Variants in SLC71A2 observed in about 807,000 individuals in gnomAD.
SLC71A2 encodes hippocampus abundant transcript-like 1.
At chr9:94,419,930 A>C in the SLC71A2 span, among the ~76,000 whole-genome samples, 1 of 152,068 alleles carries the variant, frequency 6.6e-6, no homozygotes, top group Non-Finnish European at 1.5e-5. Context: ...GATCAGTCAG[A>C]TTGGTAAGAG....
the SLC71A2 span, among the ~76,000 whole-genome samples, chr9:94,451,018 CT>C: frequency 1.3e-5 from 2 of 152,172 alleles, no homozygotes; most frequent in African/African-American, 4.8e-5. Context: ...CTCTCCTTCC[CT>C]TGCTCTCCTT....
At chr9:94,380,981 AT>A in the SLC71A2 span, among the ~76,000 whole-genome samples, 2 of 120,312 alleles carry the variant, frequency 1.7e-5, no homozygotes, top group Non-Finnish European at 3.5e-5. Flanking sequence ...CTACACCTCC[AT>A]TTCCAGGCGA....
At chr9:94,407,381 CTT>C in the SLC71A2 span, among the ~76,000 whole-genome samples, 19 of 139,844 alleles carry the variant, frequency 1.4e-4, no homozygotes, top group Admixed American at 4.3e-4. Context: ...CTGTAGTTTT[CTT>C]TTTTTTTTTT....
At chr9:94,452,588 C>T in the SLC71A2 span, among the ~76,000 whole-genome samples, 1 of 149,724 alleles carries the variant, frequency 6.7e-6, no homozygotes, top group African/African-American at 2.5e-5. Flanking sequence ...CAGAGTGAGA[C>T]TCCATCTCAA....
At chr9:94,435,658 T>C in the SLC71A2 span, among the ~76,000 whole-genome samples, 2 of 147,782 alleles carry the variant, frequency 1.4e-5, no homozygotes, top group Non-Finnish European at 3.0e-5. Flanking sequence ...TTCTTTTTTT[T>C]TTTTTTTTTT....
At chr9:94,455,343 AT>A in the SLC71A2 span, among the ~76,000 whole-genome samples, 7 of 98,696 alleles carry the variant, frequency 7.1e-5, no homozygotes, top group Admixed American at 2.2e-4. Flanking sequence ...TAATATTTTG[AT>A]TTTTTTTTTA....
At chr9:94,459,161 G>A in the SLC71A2 span, 2 of 1,612,668 alleles carry the variant, frequency 1.2e-6, no homozygotes, top group Non-Finnish European at 1.7e-6. Context: ...CGTTCAACAG[G>A]GAGCTGTCAT....
At chr9:94,425,342 A>G in the SLC71A2 span, among the ~76,000 whole-genome samples, 1 of 152,146 alleles carries the variant, frequency 6.6e-6, no homozygotes, top group African/African-American at 2.4e-5. Context: ...TTCTTTCCCA[A>G]TTATTCTGTG....
At chr9:94,408,446 C>T in the SLC71A2 span, among the ~76,000 whole-genome samples, 5 of 152,206 alleles carry the variant, frequency 3.3e-5, no homozygotes, top group African/African-American at 1.2e-4. Flanking sequence ...AGAAAGTGCT[C>T]TCTCCTCTTC....
the SLC71A2 span, among the ~76,000 whole-genome samples, chr9:94,388,260 G>C: frequency 6.6e-6 from 1 of 152,088 alleles, no homozygotes; most frequent in Non-Finnish European, 1.5e-5. Context: ...TTAGCTTTAG[G>C]CATCTTGAAT....
At chr9:94,389,507 G>A in the SLC71A2 span, among the ~76,000 whole-genome samples, 1 of 151,240 alleles carries the variant, frequency 6.6e-6, no homozygotes, top group African/African-American at 2.4e-5. Context: ...TTAAACTCCT[G>A]ACCTCAAGTG....
At chr9:94,440,215 G>A in the SLC71A2 span, among the ~76,000 whole-genome samples, 628 of 151,504 alleles carry the variant, frequency 4.1e-3, 2 homozygotes, top group Middle Eastern at 6.8e-3. Context: ...GTGCAGTGGC[G>A]CGATCTTGGC....
At chr9:94,403,695 A>G in the SLC71A2 span, among the ~76,000 whole-genome samples, 1 of 152,014 alleles carries the variant, frequency 6.6e-6, no homozygotes, top group Non-Finnish European at 1.5e-5. Flanking sequence ...CAAAAGTGGA[A>G]TTGCTGGGTC....
chr9:94,415,474 A>C, the SLC71A2 span, among the ~76,000 whole-genome samples: 8 of 152,254 alleles, frequency 5.3e-5, no homozygotes, highest in East Asian at 1.3e-3. Flanking sequence ...CTCTTATTGA[A>C]GTAAACTTGG....
chr9:94,426,680 T>TTTCTC, the SLC71A2 span, among the ~76,000 whole-genome samples: 2 of 152,230 alleles, frequency 1.3e-5, no homozygotes, highest in African/African-American at 4.8e-5. Flanking sequence ...TAAAACTTTA[T>TTTCTC]AGTTATTGTT....
chr9:94,451,135 A>G, the SLC71A2 span, among the ~76,000 whole-genome samples: 12 of 152,170 alleles, frequency 7.9e-5, no homozygotes, highest in Non-Finnish European at 1.6e-4. Context: ...AAAGTCAGTC[A>G]TTTTGTTTCA....
the SLC71A2 span, among the ~76,000 whole-genome samples, chr9:94,452,064 A>G: frequency 2.4e-4 from 36 of 152,332 alleles, no homozygotes; most frequent in Admixed American, 5.2e-4. Flanking sequence ...AACTTTCCCT[A>G]CTTTTTAGAA....
At chr9:94,415,617 T>G in the SLC71A2 span, among the ~76,000 whole-genome samples, 12 of 152,084 alleles carry the variant, frequency 7.9e-5, no homozygotes, top group African/African-American at 2.2e-4. Flanking sequence ...ATTGGGTTGG[T>G]TGGGGGATGG....
At chr9:94,407,762 G>A in the SLC71A2 span, among the ~76,000 whole-genome samples, 12 of 152,098 alleles carry the variant, frequency 7.9e-5, no homozygotes, top group Admixed American at 2.0e-4. Context: ...CTGTGGTTTT[G>A]CTTTCCATGG....
Sources: gnomAD v4.1 joint callset for allele counts (sites outside exome capture counted in the v4.1 genomes callset) on GRCh38, gnomAD v4.1.1 for gene constraint, MANE v1.5 for transcripts, NCBI Gene and HGNC (gene_info 2026-07-23, HGNC 2026-07-21) for gene names.